Variants in DEPTOR observed in about 807,000 individuals in gnomAD.
DEPTOR encodes DEP domain containing MTOR interacting protein, also known as DEP domain-containing mTOR-interacting protein.
A neutral mutation model predicts 41.6 loss-of-function variants in DEPTOR; 41 were observed. The observed-to-expected ratio is 0.98, with a 90% confidence interval of 0.77 to 1.28. The LOEUF (loss-of-function observed/expected upper bound fraction) is 1.28, where lower values mean the gene tolerates loss of function less well. Ranked by LOEUF, DEPTOR falls within the 50% of genes most tolerant of loss-of-function variation. The pLI, the probability that DEPTOR is intolerant of heterozygous loss-of-function variation, is 0.00. For synonymous variants in DEPTOR, 195 were observed against 192.3 expected (o/e 1.01, Z -0.12); for missense variants, 514 against 527.9 (o/e 0.97, Z 0.26).
intron 1 of DEPTOR, among the ~76,000 whole-genome samples, chr8:119,876,397 G>A (rs1021516307): frequency 2.6e-5 from 4 of 152,226 alleles, no homozygotes; most frequent in Middle Eastern, 3.4e-3. Flanking sequence ...TGGCCCTTTG[G>A]GAGACCAAGG....
intron 1 of DEPTOR, among the ~76,000 whole-genome samples, chr8:119,886,386 C>T (rs961775041): frequency 6.6e-6 from 1 of 152,066 alleles, no homozygotes; most frequent in African/African-American, 2.4e-5. Context: ...ATTCCTGAGT[C>T]GGTGGGATTG....
At chr8:119,923,489 A>G (rs7462546) in intron 1 of DEPTOR, among the ~76,000 whole-genome samples, 152,200 of 152,290 alleles carry the variant, frequency 1, 76,055 homozygotes, top group Middle Eastern at 1. Context: ...TTATCCTCCC[A>G]CCTTGGCTTC....
intron 6 of DEPTOR, among the ~76,000 whole-genome samples, chr8:120,006,578 C>A (rs1812441250): frequency 6.6e-6 from 1 of 151,010 alleles, no homozygotes; most frequent in South Asian, 2.1e-4. Context: ...GGCACTCTTG[C>A]TTTCCTTCTC....
intron 1 of DEPTOR, among the ~76,000 whole-genome samples, chr8:119,923,842 A>T (rs1277886372): frequency 1.3e-5 from 2 of 148,698 alleles, no homozygotes; most frequent in African/African-American, 4.9e-5. Flanking sequence ...TATCTACTGA[A>T]TGCTCTCTTT....
intron 8 of DEPTOR, among the ~76,000 whole-genome samples, chr8:120,034,356 C>T (rs1812941768): frequency 1.3e-5 from 2 of 151,108 alleles, no homozygotes; most frequent in South Asian, 2.1e-4. Flanking sequence ...TAAGGAGAAT[C>T]GGATATGTTG....
intron 8 of DEPTOR, among the ~76,000 whole-genome samples, chr8:120,035,259 G>C (rs1318900172): frequency 6.6e-6 from 1 of 152,134 alleles, no homozygotes; most frequent in African/African-American, 2.4e-5. Context: ...GGCAGAGGTT[G>C]CAGTGAGCGG....
At chr8:120,022,157 T>TAAAAAAAAAAAAAAAAAAAAAAAAAAAAA in intron 8 of DEPTOR, among the ~76,000 whole-genome samples, 1 of 93,732 alleles carries the variant, frequency 1.1e-5, no homozygotes, top group African/African-American at 4.0e-5. Context: ...GACCCCATCT[T>TAAAAAAAAAAAAAAAAAAAAAAAAAAAAA]AAAAAAAAAA....
chr8:119,900,526 A>G (rs1168368235), intron 1 of DEPTOR, among the ~76,000 whole-genome samples: 7 of 151,238 alleles, frequency 4.6e-5, no homozygotes, highest in Admixed American at 1.3e-4. Context: ...AGCTAGGACT[A>G]CAGGCATGTG....
chr8:119,938,898 T>C (rs1298618890), intron 3 of DEPTOR, among the ~76,000 whole-genome samples: 1 of 145,248 alleles, frequency 6.9e-6, no homozygotes, highest in Non-Finnish European at 1.5e-5. Flanking sequence ...TCTCTTTCTC[T>C]TTCTCTCTTT....
At position 120,050,304 on chromosome 8, in the gene DEPTOR, T is replaced by A. The variant is rs899760329; in HGVS notation, c.*600T>A. The stretch of plus-strand genomic sequence containing the variant: ...TTTAAGTTAATACAGGTTTCAATTG[T>A]GGCATTAGGAAAAAAAAAAACCTTG... On this transcript the variant is annotated 3_prime_UTR_variant, in exon 9 of 9. Transcript: ENST00000286234. 7.1e-6 allele frequency: 1 copy of A among 140,660 alleles called. No homozygotes were observed. Among genetic ancestry groups the A allele is most frequent in the Non-Finnish European group, 1.6e-5 (1 of 64,432 alleles). The allele number at this position is 140,660 out of a possible 1,614,324, so 8.7% of individuals were successfully genotyped here.
At chr8:120,029,541 G>T (rs1812853080) in intron 8 of DEPTOR, among the ~76,000 whole-genome samples, 1 of 152,024 alleles carries the variant, frequency 6.6e-6, no homozygotes, top group South Asian at 2.1e-4. Flanking sequence ...GACTATAGGT[G>T]CACACCACCA....
chr8:119,906,681 C>G (rs1410196626), intron 1 of DEPTOR, among the ~76,000 whole-genome samples: 1 of 152,050 alleles, frequency 6.6e-6, no homozygotes, highest in Non-Finnish European at 1.5e-5. Flanking sequence ...TTGATTTTCC[C>G]TATTGCTGGA....
intron 1 of DEPTOR, among the ~76,000 whole-genome samples, chr8:119,887,122 TCC>T (rs1827375624): frequency 1.4e-4 from 1 of 7,192 alleles, no homozygotes; most frequent in Non-Finnish European, 2.5e-4. Flanking sequence ...CCCCTCCCCC[TCC>T]CCTCCCCCCC....
At chr8:119,915,945 T>TAAAAAAAAAAAAAAAAAAAAAAAAAAAAA (rs201870960) in intron 1 of DEPTOR, among the ~76,000 whole-genome samples, 1 of 126,654 alleles carries the variant, frequency 7.9e-6, no homozygotes. Context: ...CTTCATTTGT[T>TAAAAAAAAAAAAAAAAAAAAAAAAAAAAA]AAAAAAAAAA....
At chr8:119,924,004 A>G (rs1192238091) in intron 1 of DEPTOR, among the ~76,000 whole-genome samples, 1 of 150,962 alleles carries the variant, frequency 6.6e-6, no homozygotes, top group East Asian at 1.9e-4. Flanking sequence ...CAATCTGTCC[A>G]TACTCTATCT....
chr8:120,044,447 G>A (rs1339882457), intron 8 of DEPTOR, among the ~76,000 whole-genome samples: 1 of 152,062 alleles, frequency 6.6e-6, no homozygotes, highest in Non-Finnish European at 1.5e-5. Context: ...CTTGATAAAG[G>A]ACAGGAACCA....
At chr8:120,008,997 G>A (rs759683552) in intron 7 of DEPTOR, 32 bp from the exon 8 acceptor site, 19 of 1,607,248 alleles carry the variant, frequency 1.2e-5, no homozygotes, top group Admixed American at 6.7e-5. Context: ...GGAGACAGTC[G>A]GCTGCTTGCT....
chr8:120,000,969 C>T (rs1248733206), intron 4 of DEPTOR, among the ~76,000 whole-genome samples: 2 of 151,486 alleles, frequency 1.3e-5, no homozygotes. Flanking sequence ...CCCAGCTACT[C>T]GGGAGGCTGA....
chr8:119,901,521 A>G (rs963075713), intron 1 of DEPTOR, among the ~76,000 whole-genome samples: 2 of 152,014 alleles, frequency 1.3e-5, no homozygotes, highest in African/African-American at 4.8e-5. Context: ...CTAAAAATAC[A>G]AAAAATTAGC....
Sources: allele counts gnomAD v4.1 joint callset (sites outside exome capture counted in the v4.1 genomes callset), GRCh38; gene constraint gnomAD v4.1.1; transcripts MANE v1.5; gene names NCBI Gene and HGNC (gene_info 2026-07-23, HGNC 2026-07-21).